The following PRTFDC1 variants were observed in gnomAD, a reference collection of about 807,000 sequenced individuals.
The protein encoded by PRTFDC1 is phosphoribosyl transferase domain containing 1.
PRTFDC1 carries 38 observed loss-of-function variants against 34.6 expected under a neutral mutation model. The observed-to-expected ratio is 1.10, with a 90% CI of 0.85 to 1.44. The LOEUF (loss-of-function observed/expected upper bound fraction) is 1.44. Among genes scored for constraint, PRTFDC1 ranks in the 40% most tolerant of loss-of-function variants. The pLI is 0.00. For missense variants in PRTFDC1, 270 were observed against 283.0 expected, an observed-to-expected ratio of 0.95 and a Z score of 0.33; for synonymous variants, 93 against 98.1, an observed-to-expected ratio of 0.95 and a Z score of 0.31.
At chr10:24,871,784 C>T (rs1588581520) in intron 4 of PRTFDC1, among the ~76,000 whole-genome samples, 1 of 151,956 alleles carries the variant, frequency 6.6e-6, no homozygotes, top group African/African-American at 2.4e-5. Context: ...GAAGGAAGCT[C>T]GGAGAAGAAA....
At chr10:24,860,286 C>A (rs752157239) in intron 4 of PRTFDC1, among the ~76,000 whole-genome samples, 2 of 152,018 alleles carry the variant, frequency 1.3e-5, no homozygotes, top group Admixed American at 6.6e-5. Flanking sequence ...GAGGCTGAGG[C>A]GGGAGAATCA....
In PRTFDC1 at chr10:24,908,333, G is replaced by T; in HGVS notation, c.339+28851C>A. The T allele has an allele frequency of 5.9e-6, 5 of 840,434 alleles. 1 individual carries two copies. In the South Asian group the frequency reaches 1.1e-4, roughly 19 times the overall value. 52.1% of individuals were successfully genotyped at this position (840,434 alleles called of 1,614,324 possible). A position where few individuals can be genotyped will look rare whatever the true frequency, so the allele number is the denominator to read the frequency against. ...TCAAGGCAATATTTTTATCCAGCAT[G>T]TTTCTTTACATATTTTGATATTTTT... On this transcript the variant is annotated intron_variant, in intron 3 of 8. Coordinates refer to ENST00000320152, the MANE Select transcript of PRTFDC1 (RefSeq NM_020200.7).
chr10:24,938,102 T>G (rs1849084215), intron 2 of PRTFDC1, among the ~76,000 whole-genome samples: 1 of 151,690 alleles, frequency 6.6e-6, no homozygotes, highest in Non-Finnish European at 1.5e-5. Context: ...GGCGGGTGCC[T>G]GTAATCCCAG....
At chr10:24,883,820 T>C (rs1357790080) in intron 3 of PRTFDC1, among the ~76,000 whole-genome samples, 2 of 17,516 alleles carry the variant, frequency 1.1e-4, no homozygotes, top group African/African-American at 8.3e-4. Flanking sequence ...TAAGAGACCT[T>C]TTTTTTTTTT....
chr10:24,918,931 T>G (rs1368472590), intron 3 of PRTFDC1, among the ~76,000 whole-genome samples: 2 of 152,166 alleles, frequency 1.3e-5, no homozygotes, highest in African/African-American at 4.8e-5. Flanking sequence ...TGCTCTTGAA[T>G]CAGCCTGTGT....
intron 4 of PRTFDC1, among the ~76,000 whole-genome samples, chr10:24,866,955 G>A (rs769284776): frequency 3.3e-5 from 5 of 150,924 alleles, no homozygotes; most frequent in African/African-American, 7.3e-5. Context: ...GTAGTTTCTC[G>A]GGGTTCAAAG....
At chr10:24,929,226 G>C (rs1848935138) in intron 3 of PRTFDC1, among the ~76,000 whole-genome samples, 1 of 151,940 alleles carries the variant, frequency 6.6e-6, no homozygotes, top group Non-Finnish European at 1.5e-5. Context: ...CAGATAACAA[G>C]AGCTGACTGA....
chr10:24,948,348 G>T (rs576345506), intron 1 of PRTFDC1, among the ~76,000 whole-genome samples: 1 of 152,254 alleles, frequency 6.6e-6, no homozygotes, highest in African/African-American at 2.4e-5. Flanking sequence ...GGATAGAGAA[G>T]ATCTTTATCT....
intron 7 of PRTFDC1, among the ~76,000 whole-genome samples, chr10:24,854,876 G>A (rs149297667): frequency 5.4e-4 from 82 of 152,210 alleles, no homozygotes; most frequent in African/African-American, 1.9e-3. Flanking sequence ...TAATAGTTCC[G>A]GATGATGGCA....
chr10:24,872,172 A>G, intron 3 of PRTFDC1, 109 bp from the exon 4 acceptor site: 1 of 892,028 alleles, frequency 1.1e-6, no homozygotes, highest in Non-Finnish European at 1.8e-6. Flanking sequence ...TTACAAATAT[A>G]GCACAAATAG....
chr10:24,877,268 A>G (rs979073079), intron 3 of PRTFDC1, among the ~76,000 whole-genome samples: 10 of 152,072 alleles, frequency 6.6e-5, no homozygotes, highest in African/African-American at 2.4e-4. Context: ...CAACTGGGCT[A>G]CAGTGATCCT....
At chr10:24,935,938 C>T (rs112056359) in intron 3 of PRTFDC1, among the ~76,000 whole-genome samples, 2,124 of 152,254 alleles carry the variant, frequency 0.014, 52 homozygotes, top group African/African-American at 0.048. Context: ...ATCAAAATCC[C>T]AACTAACACA....
At chr10:24,887,303 C>A (rs1848185885) in intron 3 of PRTFDC1, among the ~76,000 whole-genome samples, 1 of 152,148 alleles carries the variant, frequency 6.6e-6, no homozygotes, top group Admixed American at 6.5e-5. Context: ...TTGGCCATGT[C>A]CCCACTCAAA....
rs554833328 is a variant in PRTFDC1 at position 24,900,755 on chromosome 10, A to G, written c.340-28692T>C. Among the ~76,000 whole-genome samples, 129 of 152,326 alleles carry G rather than the reference A, an allele frequency of 8.5e-4. 1 individual carries two copies. Among genetic ancestry groups the G allele is most frequent in the Non-Finnish European group, 1.4e-3 (97 of 68,014 alleles). On this transcript the variant is annotated intron_variant, in intron 3 of 8. Coordinates refer to ENST00000320152, the MANE Select transcript of PRTFDC1 (RefSeq NM_020200.7). ...TTAGTTTGGAAATTTTAGTTCCTACATTTTGTACATGTTTATATTTAGAAT... is the reference window on the plus strand; with the variant it reads ...TTAGTTTGGAAATTTTAGTTCCTACGTTTTGTACATGTTTATATTTAGAAT...
At chr10:24,943,102 T>A (rs1849194334) in intron 1 of PRTFDC1, among the ~76,000 whole-genome samples, 1 of 150,270 alleles carries the variant, frequency 6.7e-6, no homozygotes, top group Non-Finnish European at 1.5e-5. Context: ...ACAACATATT[T>A]GTAATTCTAA....
chr10:24,912,544 G>A (rs1848642002), intron 3 of PRTFDC1, among the ~76,000 whole-genome samples: 1 of 151,836 alleles, frequency 6.6e-6, no homozygotes, highest in South Asian at 2.1e-4. Context: ...GTCATTTTTG[G>A]TAGAGTGTCA....
intron 3 of PRTFDC1, among the ~76,000 whole-genome samples, chr10:24,935,093 GT>G (rs1327074630): frequency 6.6e-6 from 1 of 152,172 alleles, no homozygotes; most frequent in Non-Finnish European, 1.5e-5. Context: ...TCTTTGCATT[GT>G]TAAGGAAACT....
chr10:24,874,997 A>G (rs927808746), intron 3 of PRTFDC1, among the ~76,000 whole-genome samples: 2 of 152,166 alleles, frequency 1.3e-5, no homozygotes, highest in Admixed American at 6.6e-5. Context: ...CATCATGTGA[A>G]GAAGGGCATG....
At chr10:24,904,882 A>C (rs1220831042) in intron 3 of PRTFDC1, among the ~76,000 whole-genome samples, 1 of 152,140 alleles carries the variant, frequency 6.6e-6, no homozygotes, top group African/African-American at 2.4e-5. Context: ...TTTCCACCTT[A>C]TGCCAACGAC....
Sources: gnomAD v4.1 joint callset for allele counts (sites outside exome capture counted in the v4.1 genomes callset) on GRCh38, gnomAD v4.1.1 for gene constraint, MANE v1.5 for transcripts, NCBI Gene and HGNC (gene_info 2026-07-23, HGNC 2026-07-21) for gene names.